RNF17: variants seen among roughly 807,000 people sequenced by gnomAD.
RNF17 encodes the protein spermatogenesis associated 23.
A neutral mutation model predicts 200.5 loss-of-function variants in RNF17; 31 were observed. That is an observed-to-expected ratio of 0.15 (90% CI 0.12 to 0.21). The LOEUF (loss-of-function observed/expected upper bound fraction) is 0.21, where lower values mean the gene tolerates loss of function less well. Among genes scored for constraint, RNF17 ranks in the 10% least tolerant of loss-of-function variants. The pLI, the probability that RNF17 is intolerant of heterozygous loss-of-function variation, is 1.00. For synonymous variants in RNF17, 606 were observed against 637.8 expected (o/e 0.95, Z 0.75); for missense variants, 1,628 against 1,905.1 (o/e 0.85, Z 2.71).
intron 15 of RNF17, among the ~76,000 whole-genome samples, chr13:24,805,640 GAATA>G (rs544031803): frequency 5.3e-5 from 8 of 152,144 alleles, no homozygotes; most frequent in Non-Finnish European, 1.2e-4. Context: ...TGGCCTATGT[GAATA>G]ATGCTGCTAT....
chr13:24,858,322 C>T (rs1892739942), intron 25 of RNF17, among the ~76,000 whole-genome samples: 1 of 152,116 alleles, frequency 6.6e-6, no homozygotes, highest in Admixed American at 6.5e-5. Flanking sequence ...AGTCATTGTT[C>T]AAACTAGTAG....
intron 19 of RNF17, 34 bp from the exon 20 acceptor site, chr13:24,843,710 A>G: frequency 1.6e-6 from 2 of 1,256,602 alleles, no homozygotes; most frequent in Non-Finnish European, 2.3e-6. Flanking sequence ...TATTTTGCAT[A>G]CAGTTCTTTT....
At chr13:24,806,852 T>C (rs1051175371) in intron 15 of RNF17, among the ~76,000 whole-genome samples, 1 of 141,550 alleles carries the variant, frequency 7.1e-6, no homozygotes, top group African/African-American at 2.6e-5. Flanking sequence ...CCTGTGTCCA[T>C]GTGTTCTCAT....
chr13:24,779,308 C>A (rs1882031354), intron 4 of RNF17, among the ~76,000 whole-genome samples: 1 of 152,076 alleles, frequency 6.6e-6, no homozygotes, highest in South Asian at 2.1e-4. Context: ...AAATTATAAT[C>A]TTTTTTTCCT....
intron 18 of RNF17, among the ~76,000 whole-genome samples, chr13:24,834,207 G>A (rs1298383297): frequency 6.6e-6 from 1 of 151,992 alleles, no homozygotes; most frequent in Non-Finnish European, 1.5e-5. Flanking sequence ...AGGAGTTTGA[G>A]ACCAGCCTGG....
chr13:24,879,410 G>A (rs183165110), intron 35 of RNF17, 115 bp downstream of exon 35: 31 of 670,000 alleles, frequency 4.6e-5, no homozygotes, highest in South Asian at 5.5e-5. Flanking sequence ...TGACAGCAAC[G>A]CTCCACCAGA....
chr13:24,825,807 T>A, intron 16 of RNF17, 35 bp downstream of exon 16: 2 of 1,588,998 alleles, frequency 1.3e-6, no homozygotes, highest in Admixed American at 3.5e-5. Context: ...CAGGGAGATG[T>A]CATACTTCAA....
In RNF17 at chr13:24,764,980, A is replaced by G. The variant is rs568800831; in HGVS notation, c.130+647A>G. Among the ~76,000 whole-genome samples, 25 of 151,610 alleles carry G rather than the reference A, an allele frequency of 1.6e-4. No individual in the cohort carries two copies. In the South Asian group the frequency reaches 3.8e-3, roughly 23 times the overall value. ...TGCACTATTATTGGTCTGTTCACCT[A>G]CAATCTACTCAAGTGATCACAGGTT... On this transcript the variant is annotated intron_variant, in intron 1 of 35. Coordinates refer to ENST00000255324, the MANE Select transcript of RNF17 (RefSeq NM_031277.3).
chr13:24,821,828 T>C (rs1257681948), intron 15 of RNF17, among the ~76,000 whole-genome samples: 2 of 151,860 alleles, frequency 1.3e-5, no homozygotes, highest in Non-Finnish European at 2.9e-5. Flanking sequence ...TTTTTCTGGT[T>C]GCACATGTCT....
downstream of RNF17, chr13:24,884,088 T>G: frequency 1.3e-6 from 2 of 1,572,430 alleles, no homozygotes; most frequent in Non-Finnish European, 1.7e-6. Flanking sequence ...GTTTTTCTGT[T>G]TAAAAAGTTG....
intron 12 of RNF17, 46 bp downstream of exon 12, chr13:24,799,630 T>G: frequency 8.0e-7 from 1 of 1,247,426 alleles, no homozygotes; most frequent in East Asian, 2.4e-5. Context: ...TAGAAACATT[T>G]TGGAGGGAGG....
At chr13:24,807,900 G>T (rs1401894238) in intron 15 of RNF17, among the ~76,000 whole-genome samples, 1 of 151,434 alleles carries the variant, frequency 6.6e-6, no homozygotes, top group African/African-American at 2.4e-5. Context: ...TATTAAATAG[G>T]GAATCCTTTC....
At chr13:24,748,649 C>A in the RNF17 span, among the ~76,000 whole-genome samples, 1 of 152,094 alleles carries the variant, frequency 6.6e-6, no homozygotes, top group Non-Finnish European at 1.5e-5. Context: ...AAAACATATC[C>A]AGGGATAAGT....
intron 21 of RNF17, 66 bp downstream of exon 21, chr13:24,844,868 G>A: frequency 1.3e-6 from 2 of 1,565,658 alleles, no homozygotes; most frequent in Non-Finnish European, 1.7e-6. Context: ...TTTTTCCCTG[G>A]AGTTAAAACA....
intron 18 of RNF17, among the ~76,000 whole-genome samples, chr13:24,835,645 C>T (rs751411757): frequency 6.6e-6 from 1 of 152,158 alleles, no homozygotes; most frequent in Non-Finnish European, 1.5e-5. Flanking sequence ...CAGGGGAACA[C>T]CCCATGAGAC....
At chr13:24,805,546 G>A (rs868247786) in intron 15 of RNF17, among the ~76,000 whole-genome samples, 1 of 152,020 alleles carries the variant, frequency 6.6e-6, no homozygotes, top group Non-Finnish European at 1.5e-5. Context: ...CCTTTATATG[G>A]CTGAATAATA....
At chr13:24,853,066 A>G (rs968585686) in intron 24 of RNF17, among the ~76,000 whole-genome samples, 1 of 152,240 alleles carries the variant, frequency 6.6e-6, no homozygotes. Context: ...GGCATGCGCC[A>G]CCATGCCTGG....
intron 16 of RNF17, among the ~76,000 whole-genome samples, chr13:24,827,731 A>AAAAAAAAAAT (rs1888896351): frequency 7.0e-6 from 1 of 143,698 alleles, no homozygotes; most frequent in Non-Finnish European, 1.5e-5. Flanking sequence ...AAAAAAAAAA[A>AAAAAAAAAAT]CAATAGAAAT....
intron 24 of RNF17, among the ~76,000 whole-genome samples, chr13:24,853,449 T>C (rs970212222): frequency 4.6e-5 from 7 of 152,246 alleles, no homozygotes; most frequent in African/African-American, 1.7e-4. Flanking sequence ...GATAGTACCT[T>C]ATTGTTTTTT....
Sources: allele counts gnomAD v4.1 joint callset (sites outside exome capture counted in the v4.1 genomes callset), GRCh38; gene constraint gnomAD v4.1.1; transcripts MANE v1.5; gene names NCBI Gene and HGNC (gene_info 2026-07-23, HGNC 2026-07-21).